TNNI3K: variants seen among roughly 807,000 people sequenced by gnomAD.
The protein encoded by TNNI3K is TNNI3 interacting kinase, also known as serine/threonine-protein kinase TNNI3K.
In TNNI3K, 140 loss-of-function variants were observed where a neutral mutation model predicts 114.5. That is an observed-to-expected ratio of 1.22 (90% CI 1.07 to 1.41). TNNI3K has a LOEUF of 1.41. Ranked by LOEUF, TNNI3K falls within the 40% of genes most tolerant of loss-of-function variation. The pLI, the probability that TNNI3K is intolerant of heterozygous loss-of-function variation, is 0.00. For missense variants in TNNI3K, 1,125 were observed against 1,007.6 expected (o/e 1.12, Z -1.58); for synonymous variants, 347 against 347.5 (o/e 1.00, Z 0.02).
intron 5 of TNNI3K, among the ~76,000 whole-genome samples, chr1:74,279,509 A>G (rs1656875040): frequency 6.6e-6 from 1 of 152,218 alleles, no homozygotes; most frequent in South Asian, 2.1e-4. Flanking sequence ...ATTCATATGC[A>G]TATTCAAATT....
intron 5 of TNNI3K, among the ~76,000 whole-genome samples, chr1:74,282,065 G>A (rs983850614): frequency 3.9e-5 from 6 of 152,060 alleles, no homozygotes; most frequent in African/African-American, 1.4e-4. Flanking sequence ...ATTCATAAGT[G>A]AGGTTGGCCT....
At chr1:74,477,932 C>A (rs879802674) in intron 21 of TNNI3K, among the ~76,000 whole-genome samples, 1 of 152,188 alleles carries the variant, frequency 6.6e-6, no homozygotes, top group Non-Finnish European at 1.5e-5. Context: ...ATTACAGCTT[C>A]ATAAAAACTT....
intron 21 of TNNI3K, chr1:74,471,171 G>C (rs1667914905): frequency 2.5e-6 from 1 of 400,564 alleles, no homozygotes. Flanking sequence ...AGCTCTGGTT[G>C]ACTACACGCA....
At chr1:74,378,630 A>AGG (rs1663041958) in intron 17 of TNNI3K, 1 of 126,322 alleles carries the variant, frequency 7.9e-6, no homozygotes, top group Non-Finnish European at 1.7e-5. Flanking sequence ...ATATATATAT[A>AGG]TATATATATA....
At chr1:74,276,593 A>G (rs1294677150) in intron 5 of TNNI3K, among the ~76,000 whole-genome samples, 1 of 152,042 alleles carries the variant, frequency 6.6e-6, no homozygotes, top group Non-Finnish European at 1.5e-5. Context: ...CCTATTTTTT[A>G]TTATCATGGT....
intron 11 of TNNI3K, among the ~76,000 whole-genome samples, chr1:74,360,035 C>T (rs72673282): frequency 0.03 from 4,531 of 151,988 alleles, 84 homozygotes; most frequent in Non-Finnish European, 0.047. Flanking sequence ...CACATCCTAT[C>T]GATTCAATCA....
intron 7 of TNNI3K, among the ~76,000 whole-genome samples, chr1:74,338,553 C>A (rs1221022015): frequency 6.6e-6 from 1 of 151,712 alleles, no homozygotes; most frequent in Non-Finnish European, 1.5e-5. Context: ...GAACTGCTGG[C>A]CTTTGCAGCG....
At chr1:74,364,045 G>C (rs1662126549) in intron 11 of TNNI3K, among the ~76,000 whole-genome samples, 1 of 149,900 alleles carries the variant, frequency 6.7e-6, no homozygotes, top group Non-Finnish European at 1.5e-5. Flanking sequence ...TCTAGCCCAG[G>C]CTGGAGTGCA....
chr1:74,435,288 C>T (rs921618627), intron 17 of TNNI3K, among the ~76,000 whole-genome samples: 1 of 151,954 alleles, frequency 6.6e-6, no homozygotes, highest in African/African-American at 2.4e-5. Flanking sequence ...TTTTTCTGCC[C>T]TTATTGAGGT....
chr1:74,489,306 T>C, intron 22 of TNNI3K, 58 bp downstream of exon 22: 2 of 1,559,988 alleles, frequency 1.3e-6, no homozygotes, highest in Non-Finnish European at 1.7e-6. Flanking sequence ...TCCAAGGCTG[T>C]CAGGGAATGT....
intron 5 of TNNI3K, among the ~76,000 whole-genome samples, chr1:74,285,924 G>A (rs969530020): frequency 2.0e-5 from 3 of 152,226 alleles, no homozygotes; most frequent in South Asian, 2.1e-4. Flanking sequence ...TGACAATTAA[G>A]TGATGTCAGC....
intron 23 of TNNI3K, among the ~76,000 whole-genome samples, chr1:74,500,315 A>C (rs1208406977): frequency 6.6e-6 from 1 of 151,852 alleles, no homozygotes; most frequent in Admixed American, 6.6e-5. Flanking sequence ...TTCTAGTATC[A>C]TTTTTCTTTT....
chr1:74,538,412 C>T (rs1646686221), intron 23 of TNNI3K, among the ~76,000 whole-genome samples: 1 of 152,114 alleles, frequency 6.6e-6, no homozygotes, highest in Non-Finnish European at 1.5e-5. Context: ...GCTCCAAAAA[C>T]TCTTTTTTAA....
chr1:74,496,406 A>T (rs1669327496), intron 23 of TNNI3K, among the ~76,000 whole-genome samples: 1 of 152,186 alleles, frequency 6.6e-6, no homozygotes, highest in Non-Finnish European at 1.5e-5. Context: ...GTAATTTTTT[A>T]GTATAGCATT....
At chr1:74,515,329 A>G (rs1171221447) in intron 23 of TNNI3K, among the ~76,000 whole-genome samples, 2 of 152,126 alleles carry the variant, frequency 1.3e-5, no homozygotes, top group East Asian at 3.8e-4. Flanking sequence ...TTTTTCCTTC[A>G]TCATTTGGGA....
At position 74,253,557 on chromosome 1, in the gene TNNI3K, G is replaced by A. The variant is rs189616595; in HGVS notation, c.333+2788G>A. Reference sequence around the variant, plus strand: ...GTGGGCCGGCACTGCTGGGGGACCCGGAGCACCCTCCGCAGCTGCTGGCCC... The same window carrying A: ...GTGGGCCGGCACTGCTGGGGGACCCAGAGCACCCTCCGCAGCTGCTGGCCC... On this transcript the variant is annotated intron_variant, in intron 4 of 24. Transcript: ENST00000326637. 1.6e-3 allele frequency among the ~76,000 whole-genome samples: 249 copies of A among 152,278 alleles called. 8 individuals carry two copies. The East Asian group carries it at 0.036, about 22-fold the overall frequency.
chr1:74,402,287 CTCT>C (rs948575458), intron 17 of TNNI3K, among the ~76,000 whole-genome samples: 1 of 152,132 alleles, frequency 6.6e-6, no homozygotes, highest in African/African-American at 2.4e-5. Context: ...GATTATACTG[CTCT>C]TCTTTTACAA....
At chr1:74,485,855 C>T (rs1262143240) in intron 21 of TNNI3K, among the ~76,000 whole-genome samples, 1 of 152,066 alleles carries the variant, frequency 6.6e-6, no homozygotes, top group Non-Finnish European at 1.5e-5. Flanking sequence ...AGACATGTGT[C>T]ATACAACCAC....
At chr1:74,327,487 G>T (rs1158843895) in intron 5 of TNNI3K, among the ~76,000 whole-genome samples, 1 of 146,216 alleles carries the variant, frequency 6.8e-6, no homozygotes, top group Admixed American at 6.9e-5. Flanking sequence ...TCTTATATAT[G>T]TATTTCAGTA....
Sources: gnomAD v4.1 joint callset for allele counts (sites outside exome capture counted in the v4.1 genomes callset) on GRCh38, gnomAD v4.1.1 for gene constraint, MANE v1.5 for transcripts, NCBI Gene and HGNC (gene_info 2026-07-23, HGNC 2026-07-21) for gene names.